Variants in MAP1B observed in about 807,000 individuals in gnomAD.
MAP1B encodes microtubule associated protein 1B, also known as microtubule-associated protein 1B.
A neutral mutation model predicts 176.1 loss-of-function variants in MAP1B; 12 were observed. The observed-to-expected ratio is 0.07, with a 90% CI of 0.04 to 0.11. The LOEUF is 0.11. MAP1B is among the 10% of genes least tolerant of loss of function. The probability of loss-of-function intolerance (pLI) is 1.00; values close to 1 mark genes in which losing one functional copy is unlikely to be tolerated. For missense variants in MAP1B, 2,523 were observed against 2,990.5 expected (o/e 0.84, Z 3.65); for synonymous variants, 1,044 against 1,135.0 (o/e 0.92, Z 1.61).
At chr5:72,180,121 C>A (rs551333285) in intron 2 of MAP1B, among the ~76,000 whole-genome samples, 41 of 152,250 alleles carry the variant, frequency 2.7e-4, no homozygotes, top group African/African-American at 9.6e-4. Flanking sequence ...GTGCAGCTAG[C>A]GGGCTCAGGG....
intron 2 of MAP1B, among the ~76,000 whole-genome samples, chr5:72,140,842 C>T (rs1212697939): frequency 6.6e-6 from 1 of 152,186 alleles, no homozygotes; most frequent in Non-Finnish European, 1.5e-5. Flanking sequence ...TTATTTCTAG[C>T]GTCCATCTTG....
At chr5:72,157,941 G>C (rs1050274381) in intron 2 of MAP1B, among the ~76,000 whole-genome samples, 14 of 151,694 alleles carry the variant, frequency 9.2e-5, no homozygotes, top group Non-Finnish European at 4.4e-5. Context: ...CCGGGTCCAA[G>C]CGATTCTCCT....
chr5:72,188,146 G>A (rs1746952838), intron 4 of MAP1B, among the ~76,000 whole-genome samples: 1 of 152,220 alleles, frequency 6.6e-6, no homozygotes, highest in African/African-American at 2.4e-5. Context: ...CAATTGCATT[G>A]AAATTCCAAA....
chr5:72,202,519 T>C (rs892015622), intron 5 of MAP1B, among the ~76,000 whole-genome samples: 11 of 152,220 alleles, frequency 7.2e-5, no homozygotes, highest in African/African-American at 2.2e-4. Context: ...AAATATCCTA[T>C]GGAGAAAGAG....
intron 2 of MAP1B, among the ~76,000 whole-genome samples, chr5:72,178,156 C>T (rs561182279): frequency 6.6e-6 from 1 of 152,300 alleles, no homozygotes; most frequent in Non-Finnish European, 1.5e-5. Flanking sequence ...GCATGCACCA[C>T]CATGCCTGGC....
At position 72,207,419 on chromosome 5, in the gene MAP1B, G is replaced by A. The variant is rs1177359536; in HGVS notation, c.*2180G>A. ...GGGTTTAAAAAAATGCTTCTTCAGG[G>A]TCCTTTCACTGAGGACCTATGCAGT... On this transcript the variant is annotated 3_prime_UTR_variant, in exon 7 of 7. Coordinates refer to ENST00000296755, the MANE Select transcript of MAP1B (RefSeq NM_005909.5). 1 of 152,108 alleles carries A rather than the reference G, an allele frequency of 6.6e-6. No homozygotes were observed. The highest frequency in any genetic ancestry group is 1.5e-5 in the Non-Finnish European group (1 of 68,028). 9.4% of individuals were successfully genotyped at this position (152,108 alleles called of 1,614,324 possible). A position where few individuals can be genotyped will look rare whatever the true frequency, so the allele number is the denominator to read the frequency against.
At chr5:72,142,909 A>G (rs1456213394) in intron 2 of MAP1B, among the ~76,000 whole-genome samples, 3 of 152,146 alleles carry the variant, frequency 2.0e-5, no homozygotes, top group South Asian at 2.1e-4. Flanking sequence ...TTTTTAAGTG[A>G]TTTGAAGTCA....
chr5:72,192,828 A>G (rs1412964654), intron 4 of MAP1B, among the ~76,000 whole-genome samples: 8 of 152,270 alleles, frequency 5.3e-5, no homozygotes, highest in Admixed American at 5.2e-4. Flanking sequence ...GGCTAAGACC[A>G]TGAAATATAT....
intron 1 of MAP1B, 80 bp downstream of exon 1, chr5:72,107,795 GCTCCTCCCGC>G: frequency 6.9e-7 from 1 of 1,457,560 alleles, no homozygotes; most frequent in Non-Finnish European, 9.4e-7. Context: ...CGGTCACTGC[GCTCCTCCCGC>G]GCGCCCCGCA....
chr5:72,113,888 A>G (rs1266555682), intron 1 of MAP1B, among the ~76,000 whole-genome samples: 1 of 152,234 alleles, frequency 6.6e-6, no homozygotes, highest in Non-Finnish European at 1.5e-5. Flanking sequence ...GTGAAACAAA[A>G]AGAACCCATT....
intron 2 of MAP1B, among the ~76,000 whole-genome samples, chr5:72,140,945 C>A (rs947931056): frequency 3.9e-5 from 6 of 152,140 alleles, no homozygotes; most frequent in Non-Finnish European, 5.9e-5. Flanking sequence ...TAGACAGAAA[C>A]CTTTTGGGGT....
intron 4 of MAP1B, among the ~76,000 whole-genome samples, chr5:72,193,522 A>C (rs918978092): frequency 1.3e-5 from 2 of 152,128 alleles, no homozygotes; most frequent in African/African-American, 4.8e-5. Flanking sequence ...CACAATCCTC[A>C]GTTGCCCAGG....
intron 2 of MAP1B, among the ~76,000 whole-genome samples, chr5:72,177,166 G>A (rs1746667466): frequency 6.6e-6 from 1 of 152,170 alleles, no homozygotes; most frequent in Admixed American, 6.5e-5. Context: ...TCAGGGCTGA[G>A]GTAGGTTTTT....
At chr5:72,146,402 G>A (rs1746046337) in intron 2 of MAP1B, among the ~76,000 whole-genome samples, 1 of 152,174 alleles carries the variant, frequency 6.6e-6, no homozygotes, top group Non-Finnish European at 1.5e-5. Context: ...TTGAGTCCGG[G>A]TTTGCTCCCC....
At chr5:72,119,363 C>T (rs1238591571) in intron 2 of MAP1B, among the ~76,000 whole-genome samples, 1 of 152,208 alleles carries the variant, frequency 6.6e-6, no homozygotes, top group African/African-American at 2.4e-5. Flanking sequence ...AAAGCCATTC[C>T]TGGCCACATC....
chr5:72,169,918 A>T (rs567755647), intron 2 of MAP1B, among the ~76,000 whole-genome samples: 75 of 152,328 alleles, frequency 4.9e-4, no homozygotes, highest in Admixed American at 9.1e-4. Context: ...TATGAGCTGA[A>T]CATGTAAGAA....
chr5:72,115,828 C>G, intron 2 of MAP1B, 29 bp downstream of exon 2: 1 of 1,511,254 alleles, frequency 6.6e-7, no homozygotes, highest in Non-Finnish European at 9.2e-7. Context: ...GTTGGTCAGC[C>G]TAGAATTCCA....
Position 72,197,759 on chromosome 5 carries a change from A to C in MAP1B, c.4404A>C (p.Ile1468=). Residue 1468 remains isoleucine, a synonymous_variant, in exon 5 of 7, where the codon ATA becomes ATC. Coordinates refer to ENST00000296755, the MANE Select transcript of MAP1B (RefSeq NM_005909.5). ...QEGKSTDFAP[I]KEDFGQEKKT... ...GGAAAAGCACAGACTTTGCACCAAT[A>C]AAAGAAGACTTTGGCCAAGAAAAGA... is the stretch of plus-strand genomic sequence containing the variant. The C allele has an allele frequency of 6.2e-7, 1 of 1,614,242 alleles. No homozygotes were observed. The highest frequency in any genetic ancestry group is 8.5e-7 in the Non-Finnish European group (1 of 1,180,042).
chr5:72,163,925 T>C (rs74820484), intron 2 of MAP1B, among the ~76,000 whole-genome samples: 232 of 98,594 alleles, frequency 2.4e-3, no homozygotes, highest in East Asian at 0.011. Context: ...TCTTTTTTTT[T>C]TTTTCTTTTT....
Sources: gnomAD v4.1 joint callset for allele counts (sites outside exome capture counted in the v4.1 genomes callset) on GRCh38, gnomAD v4.1.1 for gene constraint, MANE v1.5 for transcripts, NCBI Gene and HGNC (gene_info 2026-07-23, HGNC 2026-07-21) for gene names.